The following ACADSB variants were observed in gnomAD, a reference collection of about 807,000 sequenced individuals.
ACADSB encodes acyl-CoA dehydrogenase short/branched chain.
Under a neutral mutation model 54.1 loss-of-function variants are expected in ACADSB, and 40 were observed. The ratio of observed to expected loss-of-function variants is 0.74; its 90% CI spans 0.57 to 0.96. The LOEUF is 0.96. Ranked by LOEUF, ACADSB falls within the 40% of genes least tolerant of loss-of-function variation. ACADSB has a pLI of 0.00. For synonymous variants in ACADSB, 182 were observed against 182.8 expected (o/e 1.00, Z 0.03); for missense variants, 530 against 510.4 (o/e 1.04, Z -0.37).
intron 8 of ACADSB, among the ~76,000 whole-genome samples, chr10:123,047,625 C>T (rs140148006): frequency 6.6e-6 from 1 of 152,248 alleles, no homozygotes; most frequent in East Asian, 1.9e-4. Flanking sequence ...CTTTCACTTA[C>T]CAGCTTTAGG....
chr10:123,038,142 C>T (rs747581171), intron 3 of ACADSB, among the ~76,000 whole-genome samples: 27 of 152,170 alleles, frequency 1.8e-4, no homozygotes, highest in Non-Finnish European at 3.1e-4. Flanking sequence ...CATTGGGCAA[C>T]GTCTAGGGAC....
At chr10:123,026,284 G>A (rs2133466198) in intron 1 of ACADSB, among the ~76,000 whole-genome samples, 1 of 152,242 alleles carries the variant, frequency 6.6e-6, no homozygotes, top group African/African-American at 2.4e-5. Context: ...CTTAAACCGA[G>A]CCTTCTGAAA....
chr10:123,028,370 C>G (rs906004417), intron 1 of ACADSB, among the ~76,000 whole-genome samples: 14 of 152,292 alleles, frequency 9.2e-5, no homozygotes, highest in Admixed American at 2.0e-4. Context: ...TACTTTGAAT[C>G]CCTTTGAAAA....
At chr10:123,041,481 T>A in intron 5 of ACADSB, 102 bp downstream of exon 5, 2 of 1,209,458 alleles carry the variant, frequency 1.7e-6, no homozygotes, top group Non-Finnish European at 2.4e-6. Context: ...CATCTTGAAC[T>A]CTTTAGTCTT....
chr10:123,047,672 C>G (rs977832813), intron 8 of ACADSB, among the ~76,000 whole-genome samples: 2 of 152,068 alleles, frequency 1.3e-5, no homozygotes, highest in Non-Finnish European at 2.9e-5. Context: ...CTTAAACTGC[C>G]TCATCTGTAA....
chr10:123,028,706 C>G (rs758673812), intron 1 of ACADSB, among the ~76,000 whole-genome samples: 1 of 152,060 alleles, frequency 6.6e-6, no homozygotes, highest in Non-Finnish European at 1.5e-5. Flanking sequence ...CCAAAGCATA[C>G]GTGGTTCAGG....
At chr10:123,047,400 T>A (rs1850575436) in intron 8 of ACADSB, 102 bp downstream of exon 8, 1 of 862,208 alleles carries the variant, frequency 1.2e-6, no homozygotes, top group Non-Finnish European at 2.0e-6. Flanking sequence ...TCAGGGGGAT[T>A]TTAATGGGAG....
At chr10:123,040,836 C>T (rs1850463576) in intron 4 of ACADSB, among the ~76,000 whole-genome samples, 164 bp downstream of exon 4, 1 of 152,220 alleles carries the variant, frequency 6.6e-6, no homozygotes, top group Non-Finnish European at 1.5e-5. Flanking sequence ...GAAAAGTACA[C>T]TCTACCTCTT....
Position 123,052,613 on chromosome 10 carries a change from G to T in ACADSB, c.1129-448G>T. 1 of 234,322 alleles carries T rather than the reference G, an allele frequency of 4.3e-6. No individual in the cohort carries two copies. Among genetic ancestry groups the T allele is most frequent in the Non-Finnish European group, 8.4e-6 (1 of 118,448 alleles). The allele number at this position is 234,322 out of a possible 1,614,324, so 14.5% of individuals were successfully genotyped here. A position where few individuals can be genotyped will look rare whatever the true frequency, so the allele number is the denominator to read the frequency against. On this transcript the variant is annotated intron_variant, in intron 9 of 10. Transcript: ENST00000358776. This position sits in a 1 kb window ranked among gnomAD's most constrained non-coding sequence, Gnocchi z 4.2. ...GCTAGGATGTGGACGTCCTTGAGGG[G>T]CCATTCTGCAGGGTCTCTCGCTCCT...
intron 1 of ACADSB, among the ~76,000 whole-genome samples, chr10:123,025,097 A>G (rs1355604289): frequency 6.6e-6 from 1 of 152,092 alleles, no homozygotes; most frequent in Non-Finnish European, 1.5e-5. Flanking sequence ...CTGTCATGAA[A>G]ACAAAAAGAA....
At chr10:123,047,795 C>A (rs1294571054) in intron 8 of ACADSB, among the ~76,000 whole-genome samples, 1 of 152,204 alleles carries the variant, frequency 6.6e-6, no homozygotes, top group East Asian at 1.9e-4. Flanking sequence ...TGTTATGGGT[C>A]CCCTATTCAG....
chr10:123,027,923 T>C (rs1589735932), intron 1 of ACADSB, among the ~76,000 whole-genome samples: 1 of 152,192 alleles, frequency 6.6e-6, no homozygotes, highest in South Asian at 2.1e-4. Context: ...GGAGGCATGA[T>C]CTGACCAGAT....
rs1156251144 is a variant in ACADSB at position 123,043,139 on chromosome 10, T to A, written c.775T>A (p.Ser259Thr). The A allele has an allele frequency of 6.2e-7, 1 of 1,613,930 alleles. No homozygotes were observed. The highest frequency in any genetic ancestry group is 8.5e-7 in the Non-Finnish European group (1 of 1,179,928). Residue 259 changes from serine to threonine, a missense_variant, in exon 6 of 11, where the codon TCC (serine) becomes ACC (threonine). Coordinates refer to ENST00000358776, the MANE Select transcript of ACADSB (RefSeq NM_001609.4). ...AAACAAATTGGGGCTCAGAGCTTCTTCCACCTGCCCGTTAACATTCGAAAA... is the reference window on the plus strand; with the variant it reads ...AAACAAATTGGGGCTCAGAGCTTCTACCACCTGCCCGTTAACATTCGAAAA... ...PENKLGLRAS[S>T]TCPLTFENVK...
intron 1 of ACADSB, among the ~76,000 whole-genome samples, chr10:123,010,737 C>G (rs891715893): frequency 6.6e-6 from 1 of 152,194 alleles, no homozygotes; most frequent in Non-Finnish European, 1.5e-5. Flanking sequence ...AATATCAGCT[C>G]TTACTGCCAT....
At chr10:123,030,316 A>G (rs1163903220) in intron 1 of ACADSB, among the ~76,000 whole-genome samples, 1 of 152,208 alleles carries the variant, frequency 6.6e-6, no homozygotes, top group Non-Finnish European at 1.5e-5. Context: ...ACTTGAGGCC[A>G]GGAGTTCAAG....
rs559898423 is a variant in ACADSB, at chr10:123,026,468, A to G, written c.43-7888A>G. Among the ~76,000 whole-genome samples, 5 of 152,254 alleles carry G rather than the reference A, an allele frequency of 3.3e-5. No individual in the cohort carries two copies. In the East Asian group the frequency reaches 9.7e-4, roughly 29 times the overall value. On this transcript the variant is annotated intron_variant, in intron 1 of 10. Transcript: ENST00000358776. ...TTGCATAACCACCACTACCATCTAG[A>G]TGCTCACAAAGATCTCCCTCATTTC...
intron 1 of ACADSB, among the ~76,000 whole-genome samples, chr10:123,014,677 A>T (rs1333249383): frequency 6.6e-6 from 1 of 152,252 alleles, no homozygotes; most frequent in Non-Finnish European, 1.5e-5. Context: ...TATCTGTTTT[A>T]AAAATGAATT....
intron 1 of ACADSB, among the ~76,000 whole-genome samples, chr10:123,028,041 G>A (rs1850277948): frequency 6.6e-6 from 1 of 152,108 alleles, no homozygotes. Flanking sequence ...CCAGCACTTA[G>A]GTTCTCTTTG....
At chr10:123,051,013 A>C (rs1180083046) in intron 8 of ACADSB, 36 bp from the exon 9 acceptor site, 1 of 1,606,078 alleles carries the variant, frequency 6.2e-7, no homozygotes, top group East Asian at 2.2e-5. Context: ...GCTTTTTTGA[A>C]ATCATAATTC....
Sources: allele counts gnomAD v4.1 joint callset (sites outside exome capture counted in the v4.1 genomes callset), GRCh38; gene constraint gnomAD v4.1.1; non-coding constraint Gnocchi (gnomAD v3.1); transcripts MANE v1.5; gene names NCBI Gene and HGNC (gene_info 2026-07-23, HGNC 2026-07-21).